PMM2: variants seen among roughly 807,000 people sequenced by gnomAD.
PMM2 encodes the protein phosphomannomutase 2.
Under a neutral mutation model 33.2 loss-of-function variants are expected in PMM2, and 35 were observed. The observed-to-expected ratio is 1.06, with a 90% CI of 0.81 to 1.40. The LOEUF (loss-of-function observed/expected upper bound fraction) is 1.40, where lower values mean the gene tolerates loss of function less well. Ranked by LOEUF, PMM2 falls within the 40% of genes most tolerant of loss-of-function variation. PMM2 has a pLI of 0.00. For missense variants in PMM2, 386 were observed against 306.0 expected, an observed-to-expected ratio of 1.26 and a Z score of -1.95; for synonymous variants, 153 against 114.7, an observed-to-expected ratio of 1.33 and a Z score of -2.13.
At chr16:8,800,676 T>G (rs7186378) in intron 1 of PMM2, among the ~76,000 whole-genome samples, 1,603 of 148,436 alleles carry the variant, frequency 0.011, 32 homozygotes, top group African/African-American at 0.038. Context: ...TTTTTTTTTT[T>G]TTTTTGTTTT....
At chr16:8,806,231 G>A (rs1365686356) in intron 3 of PMM2, 85 bp from the exon 4 acceptor site, 11 of 838,104 alleles carry the variant, frequency 1.3e-5, no homozygotes, top group African/African-American at 5.0e-5. Context: ...TTCAGCAATC[G>A]TGGCTGAAGA....
At position 8,848,889 on chromosome 16, in the gene PMM2, T is replaced by C. The variant is rs2060947070; in HGVS notation, c.*1064T>C. On this transcript the variant is annotated 3_prime_UTR_variant, in exon 8 of 8. Transcript: ENST00000268261. ...CACTCTTTTCATCTTCTGCACGTTC[T>C]TCGTGAAACTGGAAGGATCCCGGGT... 6.6e-6 allele frequency: 1 copy of C among 152,272 alleles called. No individual in the cohort carries two copies. The highest frequency in any genetic ancestry group is 1.5e-5 in the Non-Finnish European group (1 of 68,046). 9.4% of individuals were successfully genotyped at this position (152,272 alleles called of 1,614,324 possible).
chr16:8,819,597 A>C (rs2060725931), intron 7 of PMM2, among the ~76,000 whole-genome samples: 1 of 152,094 alleles, frequency 6.6e-6, no homozygotes, highest in African/African-American at 2.4e-5. Context: ...AGGGAGGCTG[A>C]AGTGGGAGGA....
chr16:8,800,446 T>A (rs1354566846), intron 1 of PMM2, among the ~76,000 whole-genome samples: 1 of 152,106 alleles, frequency 6.6e-6, no homozygotes, highest in Non-Finnish European at 1.5e-5. Flanking sequence ...AAAAATACAT[T>A]GTGATGTGTC....
In PMM2 at chr16:8,839,274, G is replaced by T. The variant is rs1596504208; in HGVS notation, c.640-8450G>T. ...CTGTCCAATTAGCAGGTAGACACAT[G>T]TTAGGTAAAGGATCCACAGAGGAAG... On this transcript the variant is annotated intron_variant, in intron 7 of 7. Transcript: ENST00000268261. Among the ~76,000 whole-genome samples, 6 of 152,020 alleles carry T rather than the reference G, an allele frequency of 3.9e-5. 1 individual carries two copies.
At chr16:8,840,522 G>C (rs1048505878) in intron 7 of PMM2, among the ~76,000 whole-genome samples, 4 of 151,984 alleles carry the variant, frequency 2.6e-5, no homozygotes, top group Non-Finnish European at 2.9e-5. Context: ...GGGTGACTTC[G>C]TAAAGCCCTG....
At chr16:8,841,961 T>C (rs915154426) in intron 7 of PMM2, among the ~76,000 whole-genome samples, 26 of 151,114 alleles carry the variant, frequency 1.7e-4, no homozygotes, top group African/African-American at 6.3e-4. Context: ...GAGTTGAGCA[T>C]AGTTTGTGAT....
chr16:8,805,121 G>A lies in PMM2; in HGVS notation c.255+278G>A, dbSNP rs140181592. Among the ~76,000 whole-genome samples the A allele has an allele frequency of 6.7e-3, 1,014 of 152,140 alleles. 12 individuals carry two copies. The highest frequency in any genetic ancestry group is 0.024 in the African/African-American group (982 of 41,492). ...GGCTGGAGCTGGAGTGCAGCGGCAC[G>A]ATCTCAGCTCACTACAACCTCCGCC... On this transcript the variant is annotated intron_variant, in intron 3 of 7. Transcript: ENST00000268261.
chr16:8,813,947 A>G (rs1344671530), intron 7 of PMM2, among the ~76,000 whole-genome samples: 1 of 143,390 alleles, frequency 7.0e-6, no homozygotes, highest in Non-Finnish European at 1.5e-5. Flanking sequence ...GCTCACTGCA[A>G]CCTCTGCCTC....
At chr16:8,828,610 A>G (rs774579760) in intron 7 of PMM2, among the ~76,000 whole-genome samples, 1 of 152,120 alleles carries the variant, frequency 6.6e-6, no homozygotes. Flanking sequence ...GTACCCTGAC[A>G]TGGTCCCAAA....
At chr16:8,833,914 T>A (rs1414809970) in intron 7 of PMM2, among the ~76,000 whole-genome samples, 2 of 152,036 alleles carry the variant, frequency 1.3e-5, no homozygotes, top group Admixed American at 6.5e-5. Context: ...CCAGGAGATA[T>A]CAGCTGTGAT....
At chr16:8,812,881 C>T (rs2060685182) in intron 6 of PMM2, 110 bp from the exon 7 acceptor site, 1 of 754,498 alleles carries the variant, frequency 1.3e-6, no homozygotes, top group East Asian at 2.5e-5. Context: ...TACTGAAAAT[C>T]AACCTTGGCA....
intron 4 of PMM2, chr16:8,807,152 A>G (rs558595675): frequency 1.5e-5 from 2 of 132,878 alleles, no homozygotes; most frequent in Non-Finnish European, 3.1e-5. Flanking sequence ...GCACACCACC[A>G]TGCCCAGCTA....
rs548795337 is a variant in PMM2, at chr16:8,834,097, G to T, written c.640-13627G>T. On this transcript the variant is annotated intron_variant, in intron 7 of 7. Transcript: ENST00000268261. ...GAATGAGACTGGGGCCTAATAAAAA[G>T]GAGCGTCTATACAGGAGCTTACATG... 3.3e-5 allele frequency among the ~76,000 whole-genome samples: 5 copies of T among 152,314 alleles called. No individual in the cohort carries two copies. In the East Asian group the frequency reaches 5.8e-4, roughly 18 times the overall value.
chr16:8,816,664 C>T (rs935841843), intron 7 of PMM2, among the ~76,000 whole-genome samples: 1 of 151,990 alleles, frequency 6.6e-6, no homozygotes, highest in South Asian at 2.1e-4. Context: ...TTGCTTGAAC[C>T]CGGGAGGTGG....
At chr16:8,821,044 C>T (rs139304952) in intron 7 of PMM2, among the ~76,000 whole-genome samples, 6 of 152,114 alleles carry the variant, frequency 3.9e-5, no homozygotes, top group African/African-American at 1.2e-4. Flanking sequence ...TCTTTCAGGA[C>T]TCAAGGCTAA....
intron 2 of PMM2, among the ~76,000 whole-genome samples, chr16:8,803,356 C>T (rs2060626745): frequency 6.6e-6 from 1 of 152,210 alleles, no homozygotes; most frequent in South Asian, 2.1e-4. Flanking sequence ...GTTACCTGCT[C>T]ATGATCGCCC....
At chr16:8,838,985 G>C (rs1567168898) in intron 7 of PMM2, among the ~76,000 whole-genome samples, 1 of 151,988 alleles carries the variant, frequency 6.6e-6, no homozygotes, top group Non-Finnish European at 1.5e-5. Flanking sequence ...ACTTGGGCCT[G>C]GAGGACTGAT....
At chr16:8,819,838 C>T (rs949003110) in intron 7 of PMM2, among the ~76,000 whole-genome samples, 6 of 152,194 alleles carry the variant, frequency 3.9e-5, no homozygotes, top group South Asian at 2.1e-4. Context: ...ACAGCAGCAT[C>T]CTCCCTCTTA....
Sources: gnomAD v4.1 joint callset for allele counts (sites outside exome capture counted in the v4.1 genomes callset) on GRCh38, gnomAD v4.1.1 for gene constraint, MANE v1.5 for transcripts, NCBI Gene and HGNC (gene_info 2026-07-23, HGNC 2026-07-21) for gene names.